DCAF8L2: variants seen among roughly 807,000 people sequenced by gnomAD.
DCAF8L2 encodes DDB1- and CUL4-associated factor 8-like protein 2.
For missense variants in DCAF8L2, 430 were observed against 490.7 expected (o/e 0.88, Z 1.17); for synonymous variants, 200 against 190.9 (o/e 1.05, Z -0.39).
rs1284754220 is a variant in DCAF8L2, at chrX:27,747,276, GGAGGAA to G, written c.387_392del (p.Glu146_Glu147del). The G allele has an allele frequency of 4.6e-5, 50 of 1,090,564 alleles. No homozygotes were observed. In the African/African-American group the frequency reaches 5.5e-4, roughly 12 times the overall value. 89.9% of individuals were successfully genotyped at this position (1,090,564 alleles called of 1,213,427 possible). ...AGATACAAGAGGAGGGAGGGGAGGAGGAGGAAGAGGAGGAGGAGGAGGAGGAGGAGG... is the reference window on the plus strand; with the variant it reads ...AGATACAAGAGGAGGGAGGGGAGGAGGAGGAGGAGGAGGAGGAGGAGGAGG... On this transcript the variant is annotated inframe_deletion, in exon 5 of 5. Transcript: ENST00000451261.
At chrX:27,696,759 C>T (rs1487921320) in intron 3 of DCAF8L2, among the ~76,000 whole-genome samples, 1 of 110,559 alleles carries the variant, frequency 9.0e-6, no homozygotes, top group Non-Finnish European at 1.9e-5. Context: ...AATAGCAAAT[C>T]CTTCTGAAAG....
intron 3 of DCAF8L2, among the ~76,000 whole-genome samples, chrX:27,698,090 GTA>G (rs1169646961): frequency 9.0e-6 from 1 of 110,780 alleles, no homozygotes; most frequent in Non-Finnish European, 1.9e-5. Flanking sequence ...TTCCCAGTGT[GTA>G]TGGTGGGAAA....
intron 2 of DCAF8L2, chrX:27,633,931 CTT>C (rs1460579002): frequency 9.0e-6 from 1 of 111,434 alleles, no homozygotes; most frequent in Non-Finnish European, 1.9e-5. Flanking sequence ...AATTTTCCCT[CTT>C]GTTTTATTGG....
chrX:27,572,501 A>C, the DCAF8L2 span, among the ~76,000 whole-genome samples: 2 of 112,197 alleles, frequency 1.8e-5, no homozygotes, highest in Non-Finnish European at 3.8e-5. Context: ...TCATAGGATA[A>C]ATAAGAGTTC....
intron 1 of DCAF8L2, among the ~76,000 whole-genome samples, chrX:27,591,654 A>T (rs1487018900): frequency 8.9e-6 from 1 of 111,807 alleles, no homozygotes; most frequent in Admixed American, 9.6e-5. Flanking sequence ...TATAATATCT[A>T]TATCTGGAAA....
At chrX:27,474,192 A>G in the DCAF8L2 span, among the ~76,000 whole-genome samples, 2 of 112,048 alleles carry the variant, frequency 1.8e-5, no homozygotes, top group Non-Finnish European at 3.8e-5. Context: ...GAAACAAAGG[A>G]CCGAAAGAAG....
At chrX:27,550,666 CCT>C in the DCAF8L2 span, among the ~76,000 whole-genome samples, 10,492 of 110,878 alleles carry the variant, frequency 0.095, 405 homozygotes, top group Non-Finnish European at 0.12. Context: ...CATTGACCAA[CCT>C]CTCTCCATCT....
intron 1 of DCAF8L2, among the ~76,000 whole-genome samples, chrX:27,626,599 C>T (rs1928019180): frequency 8.9e-6 from 1 of 111,953 alleles, no homozygotes; most frequent in South Asian, 3.7e-4. Flanking sequence ...CCTAAAGTAT[C>T]TAAACAGACT....
Position 27,724,687 on chromosome X carries a change from T to C in DCAF8L2, c.-59+8516T>C, listed in dbSNP as rs12861129. Among the ~76,000 whole-genome samples the C allele has an allele frequency of 2.7e-3, 298 of 111,578 alleles. 1 individual carries two copies. Among genetic ancestry groups the C allele is most frequent in the Non-Finnish European group, 3.5e-3 (186 of 52,715 alleles). On this transcript the variant is annotated intron_variant, in intron 4 of 4. Coordinates refer to ENST00000451261, the MANE Select transcript of DCAF8L2 (RefSeq NM_001353450.2). The stretch of plus-strand genomic sequence containing the variant: ...TTCTTTTTTTAAAATACAAAAGATG[T>C]AAGCACATTCAATTCTTCACAGCTA...
chrX:27,517,877 T>C, the DCAF8L2 span: 29 of 1,093,282 alleles, frequency 2.7e-5, no homozygotes, highest in Non-Finnish European at 3.5e-5. Flanking sequence ...AAGAACATCA[T>C]TTTGTGCCCA....
At chrX:27,682,561 C>T (rs1352754548) in intron 3 of DCAF8L2, among the ~76,000 whole-genome samples, 1 of 111,103 alleles carries the variant, frequency 9.0e-6, no homozygotes, top group Non-Finnish European at 1.9e-5. Flanking sequence ...AAACACCTTA[C>T]ATTTGTCAAT....
rs1922316004 is a variant in DCAF8L2 at position 27,747,615 on chromosome X, C to T, written c.720C>T (p.Gly240=). The change falls in exon 5 of 5, where the codon GGC becomes GGT. Residue 240 remains glycine, a synonymous_variant. Transcript: ENST00000451261. ...CVNTVHFNQR[G]TRLASSGDDL... Reference sequence around the variant, plus strand: ...ATACTGTACACTTTAACCAGCGTGGCACCCGGCTGGCCAGTAGCGGTGATG... The same window carrying T: ...ATACTGTACACTTTAACCAGCGTGGTACCCGGCTGGCCAGTAGCGGTGATG... 2.5e-6 allele frequency: 3 copies of T among 1,204,308 alleles called. No homozygotes were observed.
At chrX:27,488,148 A>C in the DCAF8L2 span, among the ~76,000 whole-genome samples, 1 of 111,708 alleles carries the variant, frequency 9.0e-6, no homozygotes, top group Non-Finnish European at 1.9e-5. Context: ...TATATCATCA[A>C]CAATACTGGC....
intron 2 of DCAF8L2, among the ~76,000 whole-genome samples, chrX:27,646,323 C>G (rs1249453465): frequency 8.9e-6 from 1 of 111,793 alleles, no homozygotes; most frequent in Non-Finnish European, 1.9e-5. Context: ...GAATGATTCC[C>G]TATTCAATAA....
In DCAF8L2 at chrX:27,748,114, G is replaced by T. The variant is rs1249902341; in HGVS notation, c.1219G>T (p.Val407Leu). The change falls in exon 5 of 5, where the codon GTG becomes TTG. Residue 407 changes from valine to leucine, a missense_variant. Physicochemically the swap from Val to Leu is conservative, Grantham distance 32 (BLOSUM62 1). Coordinates refer to ENST00000451261, the MANE Select transcript of DCAF8L2 (RefSeq NM_001353450.2). Reference protein sequence around the residue: ...RKIDKKENNGVLKKFTPHHLV... With the variant: ...RKIDKKENNGLLKKFTPHHLV... ...AATTGATAAGAAAGAAAACAATGGC[G>T]TGCTCAAGAAATTCACTCCTCATCA... 1 of 1,211,495 alleles carries T rather than the reference G, an allele frequency of 8.3e-7. No homozygotes were observed. Among genetic ancestry groups the T allele is most frequent in the South Asian group, 1.8e-5 (1 of 56,968 alleles).
the DCAF8L2 span, among the ~76,000 whole-genome samples, chrX:27,540,236 A>G: frequency 1.8e-5 from 2 of 111,557 alleles, no homozygotes; most frequent in African/African-American, 6.5e-5. Flanking sequence ...ATTATTTTCC[A>G]AAAGACATTT....
the DCAF8L2 span, among the ~76,000 whole-genome samples, chrX:27,548,842 A>G: frequency 2.1e-3 from 234 of 112,199 alleles, 1 homozygote; most frequent in Admixed American, 3.8e-3. Flanking sequence ...CAACACAAAC[A>G]TCAGGAAGCT....
chrX:27,623,084 G>A (rs1035203285), intron 1 of DCAF8L2, among the ~76,000 whole-genome samples: 2 of 111,907 alleles, frequency 1.8e-5, no homozygotes, highest in African/African-American at 6.5e-5. Flanking sequence ...AGACTTCAAT[G>A]ACTGGTGGCT....
intron 2 of DCAF8L2, among the ~76,000 whole-genome samples, chrX:27,668,313 G>A (rs920519668): frequency 8.9e-6 from 1 of 111,896 alleles, no homozygotes; most frequent in Non-Finnish European, 1.9e-5. Context: ...CGAAGATGAG[G>A]ATTCGTATGA....
Sources: gnomAD v4.1 joint callset for allele counts (sites outside exome capture counted in the v4.1 genomes callset) on GRCh38, gnomAD v4.1.1 for gene constraint, MANE v1.5 for transcripts, NCBI Gene and HGNC (gene_info 2026-07-23, HGNC 2026-07-21) for gene names.